Variants in NAT1 observed in about 807,000 individuals in gnomAD.
The protein encoded by NAT1 is N-acetyltransferase 1, also known as arylamine N-acetyltransferase 1.
For synonymous variants in NAT1, 144 were observed against 122.6 expected (o/e 1.17, Z -1.16); for missense variants, 400 against 339.2 (o/e 1.18, Z -1.41).
upstream of NAT1, among the ~76,000 whole-genome samples, chr8:18,207,564 A>G (rs888882040): frequency 6.6e-6 from 1 of 152,208 alleles, no homozygotes. Context: ...AACCACAGTG[A>G]GATACCATCT....
At chr8:18,211,676 C>T (rs146310994) in intron 1 of NAT1, among the ~76,000 whole-genome samples, 152 of 152,248 alleles carry the variant, frequency 1.0e-3, no homozygotes, top group Middle Eastern at 3.4e-3. Flanking sequence ...TCTTTGGGTG[C>T]GGCTAGTCCA....
At chr8:18,180,450 C>G (rs996280895) in intron 2 of NAT1, among the ~76,000 whole-genome samples, 1 of 152,064 alleles carries the variant, frequency 6.6e-6, no homozygotes, top group Non-Finnish European at 1.5e-5. Context: ...AGCACCTGCT[C>G]TGCTCCAGTA....
intron 2 of NAT1, among the ~76,000 whole-genome samples, chr8:18,200,522 C>A (rs559317969): frequency 6.6e-6 from 1 of 151,942 alleles, no homozygotes; most frequent in African/African-American, 2.4e-5. Flanking sequence ...CAACAGACAC[C>A]GGGATCTACT....
Position 18,222,347 on chromosome 8 carries a change from A to G in NAT1, c.300A>G (p.Lys100=). ...ATGTTTACAGCACTCCAGCCAAAAA[A>G]TACAGCACTGGCATGATTCACCTTC... ...GGYVYSTPAK[K]YSTGMIHLLL... is the part of the protein sequence containing the mutation. Residue 100 remains lysine (K), a synonymous_variant, in exon 3 of 3, where the codon AAA becomes AAG. Transcript: ENST00000307719. The G allele has an allele frequency of 6.2e-7, 1 of 1,614,104 alleles. No homozygotes were observed. Among genetic ancestry groups the G allele is most frequent in the East Asian group, 2.2e-5 (1 of 44,864 alleles).
chr8:18,181,625 G>A (rs1370126227), intron 2 of NAT1, among the ~76,000 whole-genome samples: 12 of 152,154 alleles, frequency 7.9e-5, no homozygotes, highest in Admixed American at 7.9e-4. Context: ...AGTGGTAAAA[G>A]TGGTGAAAGT....
rs114601504 is a variant in NAT1 at position 18,183,309 on chromosome 8, T to C, written n.92+12570T>C. Among the ~76,000 whole-genome samples the C allele has an allele frequency of 4.6e-3, 693 of 152,292 alleles. 7 individuals are homozygous for C. Among genetic ancestry groups the C allele is most frequent in the African/African-American group, 0.013 (550 of 41,572 alleles). On this transcript the variant is annotated intron_variant and non_coding_transcript_variant, in intron 2 of 4. Transcript: ENST00000517441. ...TTTGCATTGCAAATTTCAACATCAG[T>C]TGGGGAAGGGGACAAACATTCAAAC...
At chr8:18,204,461 A>T (rs1803618576) in intron 2 of NAT1, among the ~76,000 whole-genome samples, 1 of 152,246 alleles carries the variant, frequency 6.6e-6, no homozygotes, top group Non-Finnish European at 1.5e-5. Flanking sequence ...ATAGATAATC[A>T]TGAAATATCT....
At chr8:18,190,078 C>A (rs7812648) in intron 2 of NAT1, among the ~76,000 whole-genome samples, 7,315 of 152,258 alleles carry the variant, frequency 0.048, 521 homozygotes, top group African/African-American at 0.15. Flanking sequence ...GTGTGAGCCA[C>A]CACACCCAGC....
At chr8:18,184,823 T>A (rs1329564986) in intron 2 of NAT1, among the ~76,000 whole-genome samples, 2 of 152,182 alleles carry the variant, frequency 1.3e-5, no homozygotes, top group Non-Finnish European at 2.9e-5. Flanking sequence ...GATCCTGCAT[T>A]CTACTTCCCT....
Position 18,192,879 on chromosome 8 carries a change from T to C in NAT1, n.93-16902T>C, listed in dbSNP as rs569635479. 2.2e-4 allele frequency among the ~76,000 whole-genome samples: 33 copies of C among 151,878 alleles called. No homozygotes were observed. The South Asian group carries it at 6.9e-3, about 32-fold the overall frequency. ...GGGGGAGGGATAGCATTAGGAGATATACCTAATGCTAAATGATGAGTTAAT... is the reference window on the plus strand; with the variant it reads ...GGGGGAGGGATAGCATTAGGAGATACACCTAATGCTAAATGATGAGTTAAT... On this transcript the variant is annotated intron_variant and non_coding_transcript_variant, in intron 2 of 4. Transcript: ENST00000517441.
At chr8:18,203,611 G>A (rs1223536739) in intron 2 of NAT1, among the ~76,000 whole-genome samples, 1 of 152,156 alleles carries the variant, frequency 6.6e-6, no homozygotes. Flanking sequence ...GCCCAGTTGT[G>A]CCTCCTGGCT....
intron 1 of NAT1, chr8:18,216,732 G>A: frequency 1.8e-6 from 1 of 565,730 alleles, no homozygotes; most frequent in Non-Finnish European, 3.1e-6. Context: ...AATATTGGGA[G>A]AAGATAAAAG....
intron 2 of NAT1, among the ~76,000 whole-genome samples, chr8:18,203,078 A>C (rs1396677733): frequency 2.6e-5 from 4 of 152,122 alleles, no homozygotes; most frequent in South Asian, 2.1e-4. Flanking sequence ...TAGACACAAA[A>C]GTTCTCCAAG....
chr8:18,212,487 G>C (rs1804203309), intron 1 of NAT1: 1 of 152,274 alleles, frequency 6.6e-6, no homozygotes, highest in Admixed American at 6.5e-5. Flanking sequence ...GAAGTGCTGG[G>C]AGAGCCCCAG....
intron 1 of NAT1, among the ~76,000 whole-genome samples, chr8:18,214,261 A>C (rs868654925): frequency 6.6e-6 from 1 of 152,132 alleles, no homozygotes; most frequent in African/African-American, 2.4e-5. Flanking sequence ...TTTGGTTTTC[A>C]TATTCATCTA....
chr8:18,171,349 G>T (rs1802091219), intron 2 of NAT1, among the ~76,000 whole-genome samples: 1 of 151,640 alleles, frequency 6.6e-6, no homozygotes, highest in African/African-American at 2.4e-5. Context: ...TTGGTACTGG[G>T]AGGCACGCAA....
intron 2 of NAT1, among the ~76,000 whole-genome samples, chr8:18,171,438 G>C (rs1257397671): frequency 6.6e-6 from 1 of 152,088 alleles, no homozygotes; most frequent in Non-Finnish European, 1.5e-5. Flanking sequence ...AACAGACTAA[G>C]GACATGAAGA....
At chr8:18,172,298 A>T (rs1250824543) in intron 2 of NAT1, among the ~76,000 whole-genome samples, 1 of 152,172 alleles carries the variant, frequency 6.6e-6, no homozygotes, top group Admixed American at 6.6e-5. Context: ...GTTGACATTT[A>T]ACTGCTTCTA....
chr8:18,221,905 C>G, intron 2 of NAT1, 137 bp from the exon 3 acceptor site: 1 of 930,824 alleles, frequency 1.1e-6, no homozygotes, highest in South Asian at 1.9e-5. Flanking sequence ...GGAATTCATA[C>G]AATGAAAGCA....
Sources: gnomAD v4.1 joint callset for allele counts (sites outside exome capture counted in the v4.1 genomes callset) on GRCh38, gnomAD v4.1.1 for gene constraint, MANE v1.5 for transcripts, NCBI Gene and HGNC (gene_info 2026-07-23, HGNC 2026-07-21) for gene names.